EPHA6: variants seen among roughly 807,000 people sequenced by gnomAD.
The protein encoded by EPHA6 is EPH receptor A6.
Under a neutral mutation model 112.0 loss-of-function variants are expected in EPHA6, and 50 were observed. The ratio of observed to expected loss-of-function variants is 0.45; its 90% CI spans 0.36 to 0.56. EPHA6 has a LOEUF of 0.56. Ranked by LOEUF, EPHA6 falls within the 20% of genes least tolerant of loss-of-function variation. The pLI, the probability that EPHA6 is intolerant of heterozygous loss-of-function variation, is 0.00. For missense variants in EPHA6, 1,280 were observed against 1,417.4 expected (o/e 0.90, Z 1.56); for synonymous variants, 529 against 490.7 (o/e 1.08, Z -1.03).
At chr3:97,503,150 G>A (rs996891035) in intron 10 of EPHA6, among the ~76,000 whole-genome samples, 7 of 151,894 alleles carry the variant, frequency 4.6e-5, no homozygotes, top group Non-Finnish European at 7.4e-5. Flanking sequence ...CAAGTTTTTG[G>A]AAAATTATAT....
At chr3:97,206,641 C>G (rs1374479041) in intron 3 of EPHA6, among the ~76,000 whole-genome samples, 1 of 151,974 alleles carries the variant, frequency 6.6e-6, no homozygotes, top group East Asian at 1.9e-4. Context: ...TGTTGAAACT[C>G]CAGGTGTTTA....
chr3:97,489,370 C>A (rs1577554979), intron 10 of EPHA6, among the ~76,000 whole-genome samples: 1 of 152,124 alleles, frequency 6.6e-6, no homozygotes, highest in African/African-American at 2.4e-5. Flanking sequence ...TCCATGTCAA[C>A]AAACTCTTTT....
chr3:97,123,357 T>C (rs1208150558), intron 3 of EPHA6, among the ~76,000 whole-genome samples: 1 of 152,128 alleles, frequency 6.6e-6, no homozygotes, highest in East Asian at 1.9e-4. Context: ...TGTATATTCA[T>C]ACTACAAGTA....
chr3:97,188,751 C>T (rs546875110), intron 3 of EPHA6, among the ~76,000 whole-genome samples: 10 of 151,544 alleles, frequency 6.6e-5, no homozygotes, highest in Admixed American at 2.0e-4. Context: ...GTAAAAAAAT[C>T]ATTTAGAGGA....
rs542882117 is a variant in EPHA6, at chr3:96,822,772, T to C, written c.385+7764T>C. On this transcript the variant is annotated intron_variant, in intron 1 of 17. Transcript: ENST00000389672. The stretch of plus-strand genomic sequence containing the variant: ...ACAGTAAATTATGTGTTCTTTCAGG[T>C]GACTGTACTATAATATACTTGTATT... Among the ~76,000 whole-genome samples the C allele has an allele frequency of 9.7e-4, 146 of 151,078 alleles. 1 individual carries two copies. The highest frequency in any genetic ancestry group is 3.4e-3 in the Middle Eastern group (1 of 290).
chr3:96,974,195 A>G (rs1023987910), intron 2 of EPHA6, among the ~76,000 whole-genome samples: 3 of 147,260 alleles, frequency 2.0e-5, no homozygotes, highest in Non-Finnish European at 3.0e-5. Context: ...CAAATAATAT[A>G]TTAAAATTAT....
chr3:97,135,564 G>A (rs970112255), intron 3 of EPHA6, among the ~76,000 whole-genome samples: 4 of 151,962 alleles, frequency 2.6e-5, no homozygotes, highest in African/African-American at 9.7e-5. Context: ...GTCTATTAGA[G>A]CTATGACTCT....
At chr3:97,236,335 G>A (rs562208258) in intron 4 of EPHA6, among the ~76,000 whole-genome samples, 13 of 151,860 alleles carry the variant, frequency 8.6e-5, no homozygotes, top group African/African-American at 2.4e-4. Flanking sequence ...GAGGAATGAC[G>A]TAAGAGTCTA....
intron 3 of EPHA6, among the ~76,000 whole-genome samples, chr3:97,099,241 A>G (rs2047334297): frequency 2.0e-5 from 3 of 150,956 alleles, no homozygotes; most frequent in Middle Eastern, 6.8e-3. Context: ...TAACTTTCCC[A>G]TCAAGGTTTG....
At chr3:97,259,075 G>A (rs2079411876) in intron 5 of EPHA6, among the ~76,000 whole-genome samples, 1 of 151,976 alleles carries the variant, frequency 6.6e-6, no homozygotes, top group Admixed American at 6.6e-5. Flanking sequence ...TTAAAGTTGT[G>A]CAGTTGTTCT....
rs867818167 is a variant in EPHA6 at position 96,931,014 on chromosome 3, A to G, written c.451-56316A>G. ...CTCCAAAAAAAAAAAAAAAAAAAAAAAAAAAAAGAAAAGCTTTCTGGCTGC... is the reference window on the plus strand; with the variant it reads ...CTCCAAAAAAAAAAAAAAAAAAAAAGAAAAAAAGAAAAGCTTTCTGGCTGC... On this transcript the variant is annotated intron_variant, in intron 2 of 17. Transcript: ENST00000389672. Among the ~76,000 whole-genome samples the G allele has an allele frequency of 3.0e-3, 439 of 146,514 alleles. 18 individuals carry two copies. The highest frequency in any genetic ancestry group is 0.011 in the African/African-American group (417 of 39,576).
intron 1 of EPHA6, among the ~76,000 whole-genome samples, chr3:96,847,483 G>A (rs1360112932): frequency 6.6e-6 from 1 of 151,804 alleles, no homozygotes; most frequent in Non-Finnish European, 1.5e-5. Flanking sequence ...CTTCATTGCT[G>A]TTGTCAAAAT....
chr3:97,537,799 G>A (rs1424057534), intron 11 of EPHA6, among the ~76,000 whole-genome samples: 7 of 151,970 alleles, frequency 4.6e-5, no homozygotes, highest in African/African-American at 1.7e-4. Context: ...GGCTGGTCTC[G>A]AACTCCCAAC....
chr3:97,284,089 C>G (rs1407612692), intron 5 of EPHA6, among the ~76,000 whole-genome samples: 1 of 152,032 alleles, frequency 6.6e-6, no homozygotes, highest in African/African-American at 2.4e-5. Context: ...ATAGATAATA[C>G]ATGTTTAAAT....
chr3:97,347,619 G>A (rs1304250834), intron 5 of EPHA6, among the ~76,000 whole-genome samples: 1 of 152,000 alleles, frequency 6.6e-6, no homozygotes, highest in Non-Finnish European at 1.5e-5. Flanking sequence ...AATTTGGAGG[G>A]GGAAAGGGTT....
chr3:97,745,629 C>A lies in EPHA6; in HGVS notation c.3129-1794C>A, dbSNP rs145055981. ...AGAATACAACCCCACCCTGTAATCT[C>A]TCTTCACCCCACCTCCACCTTCAGC... On this transcript the variant is annotated intron_variant, in intron 16 of 17. Transcript: ENST00000389672. 1.9e-4 allele frequency: 34 copies of A among 177,566 alleles called. No individual in the cohort carries two copies. In the East Asian group the frequency reaches 5.8e-3, roughly 30 times the overall value. 11.0% of individuals were successfully genotyped at this position (177,566 alleles called of 1,614,324 possible).
chr3:97,192,243 T>A (rs746609722), intron 3 of EPHA6, among the ~76,000 whole-genome samples: 1 of 152,114 alleles, frequency 6.6e-6, no homozygotes, highest in Non-Finnish European at 1.5e-5. Context: ...TTCAAGCCAC[T>A]CTGGTGCCTC....
intron 10 of EPHA6, among the ~76,000 whole-genome samples, chr3:97,523,665 T>C (rs1236320295): frequency 2.0e-5 from 3 of 152,098 alleles, no homozygotes; most frequent in Admixed American, 6.6e-5. Flanking sequence ...TATATTATAG[T>C]CTATTACTGT....
At position 97,170,738 on chromosome 3, in the gene EPHA6, AAAAAGAAAAAG is replaced by A. The variant is rs1490417352; in HGVS notation, c.1115-55515_1115-55505del. Among the ~76,000 whole-genome samples, 14 of 131,388 alleles carry A rather than the reference AAAAAGAAAAAG, an allele frequency of 1.1e-4. No individual in the cohort carries two copies. In the South Asian group the frequency reaches 2.7e-3, roughly 25 times the overall value. 86.2% of individuals were successfully genotyped at this position (131,388 alleles called of 152,430 possible). ...GGCGACAGAGCGAGCCGATGTCTCA[AAAAAGAAAAAG>A]AAAAGAAAAAAAAAGAAATATAGGA... On this transcript the variant is annotated intron_variant, in intron 3 of 17. Coordinates refer to ENST00000389672, the MANE Select transcript of EPHA6 (RefSeq NM_001080448.3).
Sources: gnomAD v4.1 joint callset for allele counts (sites outside exome capture counted in the v4.1 genomes callset) on GRCh38, gnomAD v4.1.1 for gene constraint, MANE v1.5 for transcripts, NCBI Gene and HGNC (gene_info 2026-07-23, HGNC 2026-07-21) for gene names.